Variants in APBB1IP observed in about 807,000 individuals in gnomAD.
APBB1IP encodes the protein amyloid beta precursor protein binding family B member 1 interacting protein.
In APBB1IP, 27 loss-of-function variants were observed where a neutral mutation model predicts 64.9. That is an observed-to-expected ratio of 0.42 (90% CI 0.31 to 0.57). The LOEUF is 0.57. Ranked by LOEUF, APBB1IP falls within the 20% of genes least tolerant of loss-of-function variation. The pLI is 0.20. For missense variants in APBB1IP, 812 were observed against 845.5 expected (o/e 0.96, Z 0.49); for synonymous variants, 392 against 331.0 (o/e 1.18, Z -2.00).
At chr10:26,551,231 C>T (rs1216944123) in intron 11 of APBB1IP, among the ~76,000 whole-genome samples, 2 of 152,172 alleles carry the variant, frequency 1.3e-5, no homozygotes, top group East Asian at 3.9e-4. Context: ...GTGTTTCAGC[C>T]CCGTTGGTAC....
At chr10:26,541,142 C>T (rs537424174) in intron 10 of APBB1IP, among the ~76,000 whole-genome samples, 1 of 151,946 alleles carries the variant, frequency 6.6e-6, no homozygotes, top group South Asian at 2.1e-4. Context: ...TCAGTGGCAC[C>T]GATTTTCATG....
chr10:26,539,290 T>C lies in APBB1IP; in HGVS notation c.1045-2292T>C, dbSNP rs144905905. ...TAGTGGGGATGGTGGCACATGCCTGTAGTCCCAGCTACTTGGGAGGCTGAT... is the reference window on the plus strand; with the variant it reads ...TAGTGGGGATGGTGGCACATGCCTGCAGTCCCAGCTACTTGGGAGGCTGAT... On this transcript the variant is annotated intron_variant, in intron 10 of 14. Coordinates refer to ENST00000376236, the MANE Select transcript of APBB1IP (RefSeq NM_019043.4). 3.0e-3 allele frequency among the ~76,000 whole-genome samples: 461 copies of C among 152,032 alleles called. 2 individuals carry two copies. Among genetic ancestry groups the C allele is most frequent in the Non-Finnish European group, 4.9e-3 (330 of 68,008 alleles).
intron 2 of APBB1IP, among the ~76,000 whole-genome samples, chr10:26,468,205 G>A (rs1835670523): frequency 6.6e-6 from 1 of 152,190 alleles, no homozygotes; most frequent in Non-Finnish European, 1.5e-5. Context: ...GTGGCCAAGA[G>A]CAACTCCTCA....
intron 2 of APBB1IP, among the ~76,000 whole-genome samples, chr10:26,450,155 C>G (rs1282828709): frequency 2.0e-5 from 3 of 152,106 alleles, no homozygotes; most frequent in African/African-American, 7.2e-5. Context: ...TGCAGTGGAT[C>G]AAACACGGGC....
intron 11 of APBB1IP, among the ~76,000 whole-genome samples, chr10:26,555,125 C>T (rs185429976): frequency 1.4e-4 from 22 of 152,234 alleles, no homozygotes; most frequent in Admixed American, 1.4e-3. Context: ...AATCTATGAG[C>T]AAGTTCTTCT....
intron 2 of APBB1IP, among the ~76,000 whole-genome samples, chr10:26,445,805 A>T (rs1177513915): frequency 6.6e-6 from 1 of 152,250 alleles, no homozygotes; most frequent in Non-Finnish European, 1.5e-5. Flanking sequence ...ATTCTCTAGG[A>T]GCTGTTGAAG....
chr10:26,467,680 A>G (rs1835665035), intron 2 of APBB1IP, among the ~76,000 whole-genome samples: 2 of 152,236 alleles, frequency 1.3e-5, no homozygotes, highest in Admixed American at 1.3e-4. Flanking sequence ...TGGACAACAC[A>G]GCAAGACTCT....
chr10:26,440,142 G>GT (rs745716291), intron 2 of APBB1IP, among the ~76,000 whole-genome samples: 23 of 152,088 alleles, frequency 1.5e-4, no homozygotes, highest in African/African-American at 4.8e-4. Context: ...TAATATTTGG[G>GT]TTTTTTCTCA....
chr10:26,545,154 G>A (rs1248854670), intron 11 of APBB1IP, among the ~76,000 whole-genome samples: 1 of 152,226 alleles, frequency 6.6e-6, no homozygotes, highest in East Asian at 1.9e-4. Context: ...AAGGATAACT[G>A]TTGAGGTTTG....
intron 5 of APBB1IP, among the ~76,000 whole-genome samples, 157 bp from the exon 6 acceptor site, chr10:26,503,040 G>C (rs1471535649): frequency 6.6e-6 from 1 of 152,146 alleles, no homozygotes; most frequent in Non-Finnish European, 1.5e-5. Flanking sequence ...CACTTTGTAT[G>C]CCTTTAAAAA....
At chr10:26,467,500 T>C (rs1402259868) in intron 2 of APBB1IP, among the ~76,000 whole-genome samples, 2 of 152,214 alleles carry the variant, frequency 1.3e-5, no homozygotes, top group Non-Finnish European at 2.9e-5. Context: ...AAGACCAGCC[T>C]GGGCAACATA....
intron 2 of APBB1IP, among the ~76,000 whole-genome samples, chr10:26,480,633 T>C (rs1378375800): frequency 1.4e-5 from 2 of 146,220 alleles, no homozygotes; most frequent in Non-Finnish European, 3.0e-5. Flanking sequence ...TTTTTTTTTT[T>C]TTTTTTTTTT....
chr10:26,441,605 T>C (rs1182741413), intron 2 of APBB1IP, among the ~76,000 whole-genome samples: 2 of 152,100 alleles, frequency 1.3e-5, no homozygotes, highest in African/African-American at 4.8e-5. Flanking sequence ...AGTGGTACCA[T>C]GGAAATATCA....
chr10:26,452,784 A>T (rs1835479209), intron 2 of APBB1IP, among the ~76,000 whole-genome samples: 1 of 152,174 alleles, frequency 6.6e-6, no homozygotes, highest in Non-Finnish European at 1.5e-5. Context: ...AATAGTGAAC[A>T]TTGTACCCAA....
At chr10:26,540,908 T>C (rs947443561) in intron 10 of APBB1IP, among the ~76,000 whole-genome samples, 3 of 151,606 alleles carry the variant, frequency 2.0e-5, no homozygotes, top group Non-Finnish European at 4.4e-5. Context: ...CATAAGTTTA[T>C]CTCTCATTTT....
At position 26,562,436 on chromosome 10, in the gene APBB1IP, C is replaced by T. The variant is rs201466636; in HGVS notation, c.1473+7C>T. 1 of 1,610,906 alleles carries T rather than the reference C, an allele frequency of 6.2e-7. No homozygotes were observed. Among genetic ancestry groups the T allele is most frequent in the South Asian group, 1.1e-5 (1 of 91,034 alleles). ...ACATGCTGAAACATCGAAGGTAAAA[C>T]CAGCAAGCAGCTGACCCCTATAAGC... is the stretch of plus-strand genomic sequence containing the variant. On this transcript the variant is annotated splice_region_variant and intron_variant, in intron 14 of 14. Coordinates refer to ENST00000376236, the MANE Select transcript of APBB1IP (RefSeq NM_019043.4).
chr10:26,567,265 TCG>T lies in APBB1IP; in HGVS notation c.1781_1782del (p.Ala594GlyfsTer99). On this transcript the variant is annotated frameshift_variant, in exon 15 of 15. Transcript: ENST00000376236. LOFTEE classifies it low-confidence loss of function (END_TRUNC). ...CCGCCCCCGCCGTCGTACGCAGGGA[TCG>T]CGGGCTCAGAGCTGCCCCCGCCGCC... The T allele has an allele frequency of 8.0e-7, 1 of 1,251,630 alleles. No homozygotes were observed. The highest frequency in any genetic ancestry group is 1.0e-6 in the Non-Finnish European group (1 of 994,004). The allele number at this position is 1,251,630 out of a possible 1,614,324, so 77.5% of individuals were successfully genotyped here. A position where few individuals can be genotyped will look rare whatever the true frequency, so the allele number is the denominator to read the frequency against.
At chr10:26,539,530 G>T (rs567064950) in intron 10 of APBB1IP, among the ~76,000 whole-genome samples, 1 of 151,980 alleles carries the variant, frequency 6.6e-6, no homozygotes, top group Non-Finnish European at 1.5e-5. Flanking sequence ...GAAAATATAG[G>T]TTAATGTTTT....
intron 2 of APBB1IP, among the ~76,000 whole-genome samples, chr10:26,487,179 T>C (rs1192619535): frequency 2.7e-5 from 4 of 149,822 alleles, no homozygotes; most frequent in South Asian, 2.1e-4. Context: ...ATAAGACTTT[T>C]AGCTGTCAGG....
Sources: gnomAD v4.1 joint callset for allele counts (sites outside exome capture counted in the v4.1 genomes callset) on GRCh38, gnomAD v4.1.1 for gene constraint, MANE v1.5 for transcripts, NCBI Gene and HGNC (gene_info 2026-07-23, HGNC 2026-07-21) for gene names.